CAMK2D: variants seen among roughly 807,000 people sequenced by gnomAD.
CAMK2D encodes calcium/calmodulin-dependent protein kinase type II subunit delta.
In CAMK2D, 37 loss-of-function variants were observed where a neutral mutation model predicts 84.0. That is an observed-to-expected ratio of 0.44 (90% CI 0.34 to 0.58). The LOEUF (loss-of-function observed/expected upper bound fraction) is 0.58. Among genes scored for constraint, CAMK2D ranks in the 20% least tolerant of loss-of-function variants. The pLI, the probability that CAMK2D is intolerant of heterozygous loss-of-function variation, is 0.02. For synonymous variants in CAMK2D, 202 were observed against 212.5 expected (o/e 0.95, Z 0.43); for missense variants, 448 against 652.5 (o/e 0.69, Z 3.41).
Position 113,761,112 on chromosome 4 carries a change from A to T in CAMK2D, c.-44T>A. The T allele has an allele frequency of 6.2e-7, 1 of 1,612,790 alleles. No homozygotes were observed. The highest frequency in any genetic ancestry group is 8.5e-7 in the Non-Finnish European group (1 of 1,179,906). On this transcript the variant is annotated 5_prime_UTR_variant, in exon 1 of 21. Transcript: ENST00000511664. Reference sequence around the variant, plus strand: ...CCTGGCTGGGAGCGCGACGGACCAGAAGCGAGCAGACGCGCGGCTAACCCC... The same window carrying T: ...CCTGGCTGGGAGCGCGACGGACCAGTAGCGAGCAGACGCGCGGCTAACCCC...
At chr4:113,725,140 T>C (rs2099542145) in intron 2 of CAMK2D, among the ~76,000 whole-genome samples, 1 of 152,016 alleles carries the variant, frequency 6.6e-6, no homozygotes, top group Non-Finnish European at 1.5e-5. Flanking sequence ...CTACATCAAA[T>C]GAAAATAAAC....
intron 12 of CAMK2D, 152 bp downstream of exon 12, chr4:113,513,176 T>C (rs1215212894): frequency 5.5e-6 from 8 of 1,456,712 alleles, no homozygotes; most frequent in East Asian, 2.5e-5. Flanking sequence ...ATGGCAGCCA[T>C]AGGTGTAGAA....
rs943464217 is a variant in CAMK2D, at chr4:113,754,804, C to T, written c.160+4516G>A. The T allele has an allele frequency of 2.2e-5, 22 of 983,010 alleles. No individual in the cohort carries two copies. In the Middle Eastern group the frequency reaches 1.6e-3, roughly 70 times the overall value. The allele number at this position is 983,010 out of a possible 1,614,324, so 60.9% of individuals were successfully genotyped here. A position where few individuals can be genotyped will look rare whatever the true frequency, so the allele number is the denominator to read the frequency against. On this transcript the variant is annotated intron_variant, in intron 2 of 20. Transcript: ENST00000511664. ...ATAGAAGAATGTAAATACAACTAAACGTAAGTAAAGGATACAAAATAATAA... is the reference window on the plus strand; with the variant it reads ...ATAGAAGAATGTAAATACAACTAAATGTAAGTAAAGGATACAAAATAATAA...
chr4:113,555,791 A>G (rs1467658330), intron 4 of CAMK2D, among the ~76,000 whole-genome samples: 1 of 152,044 alleles, frequency 6.6e-6, no homozygotes, highest in Non-Finnish European at 1.5e-5. Context: ...CCCCTCCCCA[A>G]TTAATAGGTT....
At chr4:113,754,241 T>C (rs1175993339) in intron 2 of CAMK2D, 3 of 976,558 alleles carry the variant, frequency 3.1e-6, no homozygotes, top group East Asian at 1.1e-4. Context: ...AAACACTGCA[T>C]ACATTACACC....
chr4:113,596,045 G>GT (rs1252687246), intron 4 of CAMK2D, among the ~76,000 whole-genome samples: 1 of 152,176 alleles, frequency 6.6e-6, no homozygotes, highest in Non-Finnish European at 1.5e-5. Context: ...CCCTGCTGCT[G>GT]TGTTATCAAT....
intron 15 of CAMK2D, 67 bp downstream of exon 15, chr4:113,502,869 T>A: frequency 9.0e-7 from 1 of 1,109,556 alleles, no homozygotes; most frequent in Admixed American, 1.8e-5. Flanking sequence ...ACGAATTAAT[T>A]TTTTTGAATA....
At chr4:113,718,130 A>C (rs1412071436) in intron 2 of CAMK2D, among the ~76,000 whole-genome samples, 1 of 152,150 alleles carries the variant, frequency 6.6e-6, no homozygotes, top group Admixed American at 6.6e-5. Flanking sequence ...GGGAAATTGC[A>C]ATAGAGAGTT....
intron 3 of CAMK2D, among the ~76,000 whole-genome samples, chr4:113,622,961 C>A (rs1299009670): frequency 6.6e-6 from 1 of 152,026 alleles, no homozygotes; most frequent in Admixed American, 6.6e-5. Flanking sequence ...GGTCTGTGGG[C>A]CAACTTGGGA....
intron 2 of CAMK2D, among the ~76,000 whole-genome samples, chr4:113,694,273 C>A (rs986430174): frequency 1.3e-5 from 2 of 152,124 alleles, no homozygotes; most frequent in Non-Finnish European, 2.9e-5. Flanking sequence ...GATCTAGTTT[C>A]TTAGCCACTG....
chr4:113,592,412 A>G (rs2098893817), intron 4 of CAMK2D, among the ~76,000 whole-genome samples: 2 of 152,342 alleles, frequency 1.3e-5, no homozygotes, highest in African/African-American at 2.4e-5. Flanking sequence ...TTAATACTGA[A>G]TACAGCAATT....
At chr4:113,680,795 C>T (rs1453589810) in intron 2 of CAMK2D, among the ~76,000 whole-genome samples, 1 of 152,180 alleles carries the variant, frequency 6.6e-6, no homozygotes, top group East Asian at 1.9e-4. Context: ...GGAGTGATGG[C>T]ACCATCCTGT....
intron 3 of CAMK2D, among the ~76,000 whole-genome samples, chr4:113,660,311 G>A (rs911877516): frequency 2.0e-5 from 3 of 151,964 alleles, no homozygotes; most frequent in Non-Finnish European, 4.4e-5. Context: ...TAAAAATTTT[G>A]AAAAGTCATG....
chr4:113,627,262 AT>A (rs1561455251), intron 3 of CAMK2D, among the ~76,000 whole-genome samples: 1 of 152,148 alleles, frequency 6.6e-6, no homozygotes, highest in Non-Finnish European at 1.5e-5. Flanking sequence ...GATTCTTTCA[AT>A]TTATATCATT....
At chr4:113,614,717 T>G (rs2099014553) in intron 3 of CAMK2D, among the ~76,000 whole-genome samples, 1 of 152,200 alleles carries the variant, frequency 6.6e-6, no homozygotes, top group Non-Finnish European at 1.5e-5. Context: ...GATGTTATTT[T>G]AAGCCATTAA....
intron 2 of CAMK2D, among the ~76,000 whole-genome samples, chr4:113,756,460 T>A (rs565118628): frequency 6.6e-6 from 1 of 152,120 alleles, no homozygotes; most frequent in Admixed American, 6.5e-5. Flanking sequence ...AAAGCTTCCA[T>A]ATGCAACTCT....
intron 8 of CAMK2D, among the ~76,000 whole-genome samples, chr4:113,524,147 C>T (rs1226426499): frequency 6.6e-6 from 1 of 152,178 alleles, no homozygotes; most frequent in Non-Finnish European, 1.5e-5. Context: ...GCTGGGATTA[C>T]AGGCATCAGC....
In CAMK2D at chr4:113,537,337, T is replaced by A; in HGVS notation, c.517+4A>T. The A allele has an allele frequency of 1.3e-6, 2 of 1,546,884 alleles. No homozygotes were observed. The highest frequency in any genetic ancestry group is 8.9e-7 in the Non-Finnish European group (1 of 1,119,608). On this transcript the variant is annotated splice_donor_region_variant and intron_variant, in intron 7 of 20. Coordinates refer to ENST00000511664, the MANE Select transcript of CAMK2D (RefSeq NM_001321571.2). ...GGTAGCATGAAGGAGGGGGCCCTAC[T>A]CACCAAACCACGCCTGCTGGTCCCC...
At chr4:113,732,859 T>A (rs993581304) in intron 2 of CAMK2D, among the ~76,000 whole-genome samples, 4 of 152,164 alleles carry the variant, frequency 2.6e-5, no homozygotes, top group Admixed American at 1.3e-4. Flanking sequence ...TCAAAATATA[T>A]ATATATTAGG....
Sources: allele counts gnomAD v4.1 joint callset (sites outside exome capture counted in the v4.1 genomes callset), GRCh38; gene constraint gnomAD v4.1.1; transcripts MANE v1.5; gene names NCBI Gene and HGNC (gene_info 2026-07-23, HGNC 2026-07-21).